The following CCDC102B variants were observed in gnomAD, a reference collection of about 807,000 sequenced individuals.
The protein encoded by CCDC102B is coiled-coil domain-containing protein 102B.
A neutral mutation model predicts 57.4 loss-of-function variants in CCDC102B; 75 were observed. The observed-to-expected ratio is 1.31, with a 90% CI of 1.08 to 1.58. CCDC102B has a LOEUF of 1.58. Ranked by LOEUF, CCDC102B falls within the 40% of genes most tolerant of loss-of-function variation. The pLI is 0.00. For synonymous variants in CCDC102B, 206 were observed against 201.9 expected, an observed-to-expected ratio of 1.02 and a Z score of -0.17; for missense variants, 636 against 582.6, an observed-to-expected ratio of 1.09 and a Z score of -0.94.
intron 6 of CCDC102B, among the ~76,000 whole-genome samples, chr18:69,003,983 A>T (rs9789234): frequency 0.86 from 130,219 of 152,120 alleles, 57,742 homozygotes; most frequent in Non-Finnish European, 0.97. Context: ...CTAATTATAT[A>T]CTCACTTTAC....
chr18:68,718,742 A>G (rs1004742495), intron 2 of CCDC102B, among the ~76,000 whole-genome samples: 3 of 152,244 alleles, frequency 2.0e-5, no homozygotes, highest in Non-Finnish European at 4.4e-5. Context: ...GATTCTGATC[A>G]GTCCCTAGAG....
chr18:68,994,258 GCTT>G (rs926502420), intron 6 of CCDC102B, among the ~76,000 whole-genome samples: 4 of 152,180 alleles, frequency 2.6e-5, no homozygotes, highest in African/African-American at 7.2e-5. Context: ...AATTGTCAAG[GCTT>G]CTTTTGTGAA....
At chr18:68,953,355 CTTT>C (rs5825890) in intron 6 of CCDC102B, among the ~76,000 whole-genome samples, 57 of 125,480 alleles carry the variant, frequency 4.5e-4, no homozygotes, top group Middle Eastern at 4.7e-3. Flanking sequence ...CAATACTTGT[CTTT>C]TTTTTTTTTT....
chr18:69,044,647 GTT>G lies in CCDC102B; in HGVS notation c.1435-9381_1435-9380del, dbSNP rs1462531418. On this transcript the variant is annotated intron_variant, in intron 7 of 7. Transcript: ENST00000360242. ...TAATTTACCTCCGCTGTGTGAGATA[GTT>G]TAACATTATTATTTCCTTTTTAAAA... is the stretch of plus-strand genomic sequence containing the variant. Among the ~76,000 whole-genome samples the G allele has an allele frequency of 6.6e-5, 10 of 152,164 alleles. No individual in the cohort carries two copies. The East Asian group carries it at 1.7e-3, about 26-fold the overall frequency.
At chr18:68,826,835 A>G (rs373226502) in intron 1 of CCDC102B, among the ~76,000 whole-genome samples, 165 of 152,332 alleles carry the variant, frequency 1.1e-3, no homozygotes, top group Middle Eastern at 0.01. Context: ...GATCACATTC[A>G]TTGTTACATA....
intron 6 of CCDC102B, among the ~76,000 whole-genome samples, chr18:69,005,811 T>A (rs183992170): frequency 1.2e-3 from 188 of 151,386 alleles, no homozygotes; most frequent in Middle Eastern, 6.0e-3. Context: ...AAAATATGTA[T>A]ATATATATAT....
chr18:68,875,498 A>G (rs914761253), intron 5 of CCDC102B, among the ~76,000 whole-genome samples: 3 of 152,202 alleles, frequency 2.0e-5, no homozygotes, highest in African/African-American at 4.8e-5. Flanking sequence ...AGAGCAATTT[A>G]CAGACTGAAA....
rs953027630 is a variant in CCDC102B at position 68,731,713 on chromosome 18, ATATATGT to A, written c.-67+15126_-67+15132del. On this transcript the variant is annotated intron_variant, in intron 2 of 3. Transcript: ENST00000578970. ...TTTGTCTATGTGTGTATATAATATA[ATATATGT>A]TATATGATCTCCTATACAATAATGC... Among the ~76,000 whole-genome samples the A allele has an allele frequency of 6.8e-3, 1,007 of 148,968 alleles. 12 individuals carry two copies. The highest frequency in any genetic ancestry group is 0.023 in the African/African-American group (956 of 41,106).
rs1463528845 is a variant in CCDC102B at position 69,052,605 on chromosome 18, G to A, written c.1435-1425G>A. Among the ~76,000 whole-genome samples the A allele has an allele frequency of 2.6e-5, 4 of 151,956 alleles. No individual in the cohort carries two copies. The East Asian group carries it at 5.8e-4, about 22-fold the overall frequency. On this transcript the variant is annotated intron_variant, in intron 7 of 7. Coordinates refer to ENST00000360242, the MANE Select transcript of CCDC102B (RefSeq NM_024781.3). ...ATTTTATCTTTGTGTGAAGGTCATA[G>A]ATTTAGATGGTATAGCCTACTCCAT...
At chr18:68,951,492 G>GT (rs1309169132) in intron 6 of CCDC102B, among the ~76,000 whole-genome samples, 140 of 152,124 alleles carry the variant, frequency 9.2e-4, no homozygotes, top group African/African-American at 2.9e-3. Flanking sequence ...AACATTTAAT[G>GT]TTTTCCCTTT....
chr18:68,920,259 A>T (rs779457060), intron 6 of CCDC102B, among the ~76,000 whole-genome samples: 24 of 152,186 alleles, frequency 1.6e-4, no homozygotes, highest in Non-Finnish European at 2.8e-4. Flanking sequence ...CACACTACCC[A>T]ACTTCAAACT....
At chr18:68,975,882 A>G (rs774112194) in intron 6 of CCDC102B, among the ~76,000 whole-genome samples, 5 of 151,466 alleles carry the variant, frequency 3.3e-5, no homozygotes, top group Admixed American at 2.0e-4. Context: ...CCTGACACCA[A>G]TGTAGATCAG....
At chr18:68,746,235 A>G (rs2033615371) in intron 2 of CCDC102B, among the ~76,000 whole-genome samples, 1 of 152,226 alleles carries the variant, frequency 6.6e-6, no homozygotes, top group African/African-American at 2.4e-5. Flanking sequence ...GAAACTTTGC[A>G]TAATTTCTGG....
chr18:68,865,766 T>G (rs1451422985), intron 4 of CCDC102B, among the ~76,000 whole-genome samples: 1 of 152,206 alleles, frequency 6.6e-6, no homozygotes, highest in Non-Finnish European at 1.5e-5. Context: ...GTCACAAACC[T>G]TTGGCATTTC....
intron 2 of CCDC102B, among the ~76,000 whole-genome samples, chr18:68,773,987 G>A (rs1323452491): frequency 6.6e-6 from 1 of 151,872 alleles, no homozygotes; most frequent in Non-Finnish European, 1.5e-5. Context: ...ATTTGTTGAA[G>A]GGTTATGTAA....
At chr18:68,856,278 T>C (rs1314571764) in intron 4 of CCDC102B, among the ~76,000 whole-genome samples, 1 of 152,140 alleles carries the variant, frequency 6.6e-6, no homozygotes, top group African/African-American at 2.4e-5. Context: ...AACATGCTTT[T>C]CTTCCAAATA....
intron 6 of CCDC102B, among the ~76,000 whole-genome samples, chr18:68,953,809 A>T (rs762543904): frequency 5.9e-5 from 9 of 152,124 alleles, no homozygotes; most frequent in Non-Finnish European, 1.2e-4. Context: ...ACACAGGTGG[A>T]TGTGGCAGTA....
Position 68,999,565 on chromosome 18 carries a change from C to T in CCDC102B, c.1264-11369C>T, listed in dbSNP as rs139126845. On this transcript the variant is annotated intron_variant, in intron 6 of 7. Transcript: ENST00000360242. The stretch of plus-strand genomic sequence containing the variant: ...AGGTTGCTGTGAGCCGAGATTGTGC[C>T]ACTGCACTCCAGCCTGGGTGACAGA... 2.3e-3 allele frequency among the ~76,000 whole-genome samples: 353 copies of T among 152,202 alleles called. 1 individual carries two copies. Among genetic ancestry groups the T allele is most frequent in the African/African-American group, 8.2e-3 (342 of 41,532 alleles).
At chr18:69,010,886 T>C in intron 6 of CCDC102B, 48 bp from the exon 7 acceptor site, 1 of 1,346,406 alleles carries the variant, frequency 7.4e-7, no homozygotes, top group Non-Finnish European at 9.9e-7. Context: ...TCTTCTGATT[T>C]TATCAGAATA....
Sources: gnomAD v4.1 joint callset for allele counts (sites outside exome capture counted in the v4.1 genomes callset) on GRCh38, gnomAD v4.1.1 for gene constraint, MANE v1.5 for transcripts, NCBI Gene and HGNC (gene_info 2026-07-23, HGNC 2026-07-21) for gene names.